ZC3H12B: variants seen among roughly 807,000 people sequenced by gnomAD.
ZC3H12B encodes the protein zinc finger CCCH-type containing 12B.
Under a neutral mutation model 43.9 loss-of-function variants are expected in ZC3H12B, and 7 were observed. That is an observed-to-expected ratio of 0.16 (90% CI 0.09 to 0.30). The LOEUF (loss-of-function observed/expected upper bound fraction) is 0.30, where lower values mean the gene tolerates loss of function less well. Among genes scored for constraint, ZC3H12B ranks in the 10% least tolerant of loss-of-function variants. ZC3H12B has a pLI of 1.00. For missense variants in ZC3H12B, 475 were observed against 670.2 expected, an observed-to-expected ratio of 0.71 and a Z score of 3.22; for synonymous variants, 222 against 241.7, an observed-to-expected ratio of 0.92 and a Z score of 0.76.
the ZC3H12B span, among the ~76,000 whole-genome samples, chrX:65,262,478 G>A: frequency 1.8e-5 from 2 of 111,195 alleles, no homozygotes; most frequent in Admixed American, 9.5e-5. Context: ...AATCATTTTT[G>A]TCAATTTGGG....
chrX:65,390,174 G>A (rs2066592133), intron 2 of ZC3H12B, among the ~76,000 whole-genome samples: 1 of 110,473 alleles, frequency 9.1e-6, no homozygotes, highest in South Asian at 3.9e-4. Context: ...ACCAAACACT[G>A]CATGTTCTCA....
chrX:65,242,183 A>T, the ZC3H12B span, among the ~76,000 whole-genome samples: 2 of 110,756 alleles, frequency 1.8e-5, no homozygotes, highest in Non-Finnish European at 3.8e-5. Context: ...GGGTTTAGCC[A>T]TTCACCTAGT....
At chrX:65,174,614 G>A in the ZC3H12B span, among the ~76,000 whole-genome samples, 8 of 111,960 alleles carry the variant, frequency 7.1e-5, no homozygotes, top group African/African-American at 1.9e-4. Context: ...GGTCACAGCC[G>A]CTTGCTGCGC....
intron 1 of ZC3H12B, 138 bp from the exon 7 acceptor site, chrX:65,496,994 G>GAAGA: frequency 2.0e-6 from 1 of 497,012 alleles, no homozygotes; most frequent in Non-Finnish European, 3.0e-6. Flanking sequence ...GAAGCAAAAG[G>GAAGA]AAGAAAGAAA....
At chrX:65,135,091 G>A in the ZC3H12B span, among the ~76,000 whole-genome samples, 1 of 111,395 alleles carries the variant, frequency 9.0e-6, no homozygotes, top group Non-Finnish European at 1.9e-5. Context: ...TCAGAGGCCT[G>A]ACAATATATA....
chrX:65,253,466 G>C, the ZC3H12B span, among the ~76,000 whole-genome samples: 1 of 112,406 alleles, frequency 8.9e-6, no homozygotes, highest in African/African-American at 3.2e-5. Flanking sequence ...AGAGACCAGA[G>C]GGCTTGGTGC....
chrX:65,058,168 G>C, the ZC3H12B span, among the ~76,000 whole-genome samples: 1 of 111,655 alleles, frequency 9.0e-6, no homozygotes, highest in East Asian at 2.8e-4. Flanking sequence ...GTGATTTTTA[G>C]AATTTTCACC....
At chrX:65,337,196 A>G in the ZC3H12B span, among the ~76,000 whole-genome samples, 1 of 111,343 alleles carries the variant, frequency 9.0e-6, no homozygotes, top group Non-Finnish European at 1.9e-5. Context: ...AAAGTCAGCC[A>G]ATTGGTGCTG....
At chrX:65,268,007 G>A in the ZC3H12B span, among the ~76,000 whole-genome samples, 5 of 109,733 alleles carry the variant, frequency 4.6e-5, no homozygotes, top group Admixed American at 1.9e-4. Context: ...AACTAAAATC[G>A]GAGGCCCTAG....
chrX:65,474,635 G>A (rs764610340), intron 3 of ZC3H12B, among the ~76,000 whole-genome samples: 36 of 109,181 alleles, frequency 3.3e-4, no homozygotes, highest in East Asian at 1.4e-3. Flanking sequence ...TTCTGAGACA[G>A]AGTCTCGCTG....
At chrX:65,123,568 G>A in the ZC3H12B span, among the ~76,000 whole-genome samples, 1 of 110,143 alleles carries the variant, frequency 9.1e-6, no homozygotes, top group Non-Finnish European at 1.9e-5. Flanking sequence ...AATGCTTTTG[G>A]CAGTATGGTC....
the ZC3H12B span, among the ~76,000 whole-genome samples, chrX:65,314,244 A>G: frequency 2.4e-4 from 27 of 111,654 alleles, no homozygotes; most frequent in African/African-American, 8.4e-4. Context: ...GTACAAAAAA[A>G]AATTTGAAGA....
the ZC3H12B span, among the ~76,000 whole-genome samples, chrX:65,146,742 G>A: frequency 9.0e-6 from 1 of 111,560 alleles, no homozygotes; most frequent in African/African-American, 3.3e-5. Flanking sequence ...CCTGGATCTA[G>A]CTACCCAGCA....
the ZC3H12B span, among the ~76,000 whole-genome samples, chrX:65,188,962 A>C: frequency 1.8e-5 from 1 of 54,652 alleles, no homozygotes; most frequent in African/African-American, 7.6e-5. Flanking sequence ...CCACCCCACC[A>C]CAGTCCCCAG....
intron 3 of ZC3H12B, among the ~76,000 whole-genome samples, chrX:65,442,428 A>AT (rs1307106662): frequency 3.6e-5 from 4 of 110,369 alleles, no homozygotes; most frequent in Middle Eastern, 4.7e-3. Context: ...ACCTGAAGTG[A>AT]TTTTTTTTCC....
the ZC3H12B span, among the ~76,000 whole-genome samples, chrX:65,236,167 G>T: frequency 1.8e-5 from 2 of 111,958 alleles, no homozygotes; most frequent in African/African-American, 6.5e-5. Flanking sequence ...TTTTCACTCT[G>T]ATTGTGGGCT....
the ZC3H12B span, among the ~76,000 whole-genome samples, chrX:65,229,567 CA>C: frequency 1.8e-5 from 2 of 110,676 alleles, no homozygotes; most frequent in Non-Finnish European, 3.8e-5. Context: ...TTCTGCACAG[CA>C]AAAGAAACTT....
chrX:65,463,249 A>G (rs2067775267), intron 3 of ZC3H12B, among the ~76,000 whole-genome samples: 1 of 111,991 alleles, frequency 8.9e-6, no homozygotes, highest in South Asian at 3.7e-4. Context: ...AAAGCTGCAC[A>G]AGTACCCCTT....
intron 3 of ZC3H12B, among the ~76,000 whole-genome samples, chrX:65,430,239 G>A (rs1036599604): frequency 2.2e-4 from 25 of 111,338 alleles, no homozygotes; most frequent in Admixed American, 1.3e-3. Context: ...TGGAGCCAAG[G>A]CCCTCATAGT....
Sources: gnomAD v4.1 joint callset for allele counts (sites outside exome capture counted in the v4.1 genomes callset) on GRCh38, gnomAD v4.1.1 for gene constraint, MANE v1.5 for transcripts, NCBI Gene and HGNC (gene_info 2026-07-23, HGNC 2026-07-21) for gene names.